The following THBS3 variants were observed in gnomAD, a reference collection of about 807,000 sequenced individuals.
The protein encoded by THBS3 is thrombospondin 3.
In THBS3, 78 loss-of-function variants were observed where a neutral mutation model predicts 118.3. The observed-to-expected ratio is 0.66, with a 90% CI of 0.55 to 0.80. The LOEUF is 0.80. Among genes scored for constraint, THBS3 ranks in the 30% least tolerant of loss-of-function variants. THBS3 has a pLI of 0.00. For missense variants in THBS3, 1,057 were observed against 1,247.4 expected (o/e 0.85, Z 2.30); for synonymous variants, 427 against 475.3 (o/e 0.90, Z 1.32).
rs1227714707 is a variant in THBS3, at chr1:155,206,850, C to T, written c.80-444G>A. Among the ~76,000 whole-genome samples, 1 of 151,758 alleles carries T rather than the reference C, an allele frequency of 6.6e-6. No homozygotes were observed. Among genetic ancestry groups the T allele is most frequent in the East Asian group, 1.9e-4 (1 of 5,170 alleles). On this transcript the variant is annotated intron_variant, in intron 1 of 22. Transcript: ENST00000368378. The surrounding 1 kb of genome is among the most constrained non-coding windows in gnomAD (Gnocchi z 4.2). ...AGAGTGAAACTCCATCTCAAAAAGA[C>T]AAAACGAAAACAAAAAAAAACCTCA...
chr1:155,202,171 C>T lies in THBS3; in HGVS notation c.1098+90G>A. ...AGCCGATGCAAAGCCATCCATGTCC[C>T]ATTCATCACAAGGGTCCCATGTCCA... On this transcript the variant is annotated intron_variant, in intron 9 of 22. Coordinates refer to ENST00000368378, the MANE Select transcript of THBS3 (RefSeq NM_007112.5). This position sits in a 1 kb window ranked among gnomAD's most constrained non-coding sequence, Gnocchi z 5.5. 6 of 1,594,676 alleles carry T rather than the reference C, an allele frequency of 3.8e-6. No homozygotes were observed. The Admixed American group carries it at 1.0e-4, about 27-fold the overall frequency.
intron 1 of THBS3, among the ~76,000 whole-genome samples, chr1:155,207,133 C>A (rs1670666059): frequency 6.6e-6 from 1 of 152,182 alleles, no homozygotes; most frequent in Non-Finnish European, 1.5e-5. Flanking sequence ...GTTCCACACC[C>A]TAGTTCCCCT....
upstream of THBS3, chr1:155,208,936 A>C (rs1419915305): frequency 2.5e-6 from 4 of 1,610,538 alleles, no homozygotes; most frequent in Non-Finnish European, 3.4e-6. Context: ...CCCGCTCTCC[A>C]GAGCCTGCCG....
Position 155,204,928 on chromosome 1 carries a change from C to T in THBS3, c.573G>A (p.Leu191=). The T allele has an allele frequency of 6.2e-7, 1 of 1,613,998 alleles. No individual in the cohort carries two copies. Among genetic ancestry groups the T allele is most frequent in the Non-Finnish European group, 8.5e-7 (1 of 1,180,032 alleles). The change falls in exon 4 of 23, where the codon CTG becomes CTA. Residue 191 remains leucine (L), a synonymous_variant. Coordinates refer to ENST00000368378, the MANE Select transcript of THBS3 (RefSeq NM_007112.5). ...QGFVESMKII[L]GGSMARVGAL... Reference sequence around the variant, plus strand: ...CTCCTACCCGGGCCATGGACCCACCCAGAATAATTTTCATAGATTCCACAA... The same window carrying T: ...CTCCTACCCGGGCCATGGACCCACCTAGAATAATTTTCATAGATTCCACAA...
Position 155,206,449 on chromosome 1 carries a change from T to G in THBS3, c.80-43A>C. 6.4e-7 allele frequency: 1 copy of G among 1,570,686 alleles called. No homozygotes were observed. Among genetic ancestry groups the G allele is most frequent in the Non-Finnish European group, 8.7e-7 (1 of 1,146,106 alleles). Reference sequence around the variant, plus strand: ...ATCAAGGTTAGAGAATGGGATCAAATGCTAAGGTATGCCCTCCCCCGAGCC... The same window carrying G: ...ATCAAGGTTAGAGAATGGGATCAAAGGCTAAGGTATGCCCTCCCCCGAGCC... On this transcript the variant is annotated intron_variant, in intron 1 of 22. Transcript: ENST00000368378. This position sits in a 1 kb window ranked among gnomAD's most constrained non-coding sequence, Gnocchi z 4.2.
intron 16 of THBS3, 116 bp downstream of exon 16, chr1:155,199,688 G>C (rs1669353260): frequency 9.6e-7 from 1 of 1,038,324 alleles, no homozygotes; most frequent in Admixed American, 2.0e-5. Context: ...CTGGGAGACG[G>C]AGGTTGCAGT....
At chr1:155,196,945 G>T in intron 21 of THBS3, 96 bp downstream of exon 21, 2 of 1,259,314 alleles carry the variant, frequency 1.6e-6, no homozygotes, top group Non-Finnish European at 1.1e-6. Flanking sequence ...AGTGGCTGCA[G>T]TTCCCACCCA....
In THBS3 at chr1:155,200,431, C is replaced by T. The variant is rs1189254646; in HGVS notation, c.1708+20G>A. On this transcript the variant is annotated intron_variant, in intron 14 of 22. Coordinates refer to ENST00000368378, the MANE Select transcript of THBS3 (RefSeq NM_007112.5). ...ATTCTCACAGGTCCCCCAGCCACCC[C>T]TTCAGCCCCAGGCCTGCACCATCCC... 30 of 1,609,848 alleles carry T rather than the reference C, an allele frequency of 1.9e-5. No individual in the cohort carries two copies. Among genetic ancestry groups the T allele is most frequent in the Non-Finnish European group, 2.2e-5 (26 of 1,176,906 alleles).
Position 155,206,113 on chromosome 1 carries a change from G to A in THBS3, c.286+87C>T. Reference sequence around the variant, plus strand: ...ACCTTGGTCCCTAGTGGAGGCCAAGGAGAATGAGGAAGCACTTGGGAAGTA... The same window carrying A: ...ACCTTGGTCCCTAGTGGAGGCCAAGAAGAATGAGGAAGCACTTGGGAAGTA... On this transcript the variant is annotated intron_variant, in intron 2 of 22. Coordinates refer to ENST00000368378, the MANE Select transcript of THBS3 (RefSeq NM_007112.5). This position sits in a 1 kb window ranked among gnomAD's most constrained non-coding sequence, Gnocchi z 4.2. The A allele has an allele frequency of 6.7e-7, 1 of 1,495,614 alleles. No homozygotes were observed. The highest frequency in any genetic ancestry group is 2.3e-5 in the East Asian group (1 of 44,030). 92.6% of individuals were successfully genotyped at this position (1,495,614 alleles called of 1,614,324 possible).
At chr1:155,207,998 AG>A (rs996859498), upstream of THBS3, 7 of 406,090 alleles carry the variant, frequency 1.7e-5, no homozygotes, top group South Asian at 2.0e-5. Context: ...CAGGCGGGTG[AG>A]GGGGGGCTGA....
chr1:155,202,159 C>A lies in THBS3; in HGVS notation c.1098+102G>T. The A allele has an allele frequency of 6.3e-7, 1 of 1,594,674 alleles. No individual in the cohort carries two copies. The highest frequency in any genetic ancestry group is 8.6e-7 in the Non-Finnish European group (1 of 1,168,798). On this transcript the variant is annotated intron_variant, in intron 9 of 22. Coordinates refer to ENST00000368378, the MANE Select transcript of THBS3 (RefSeq NM_007112.5). The surrounding 1 kb of genome is among the most constrained non-coding windows in gnomAD (Gnocchi z 5.5). ...GCCCAGACCCAAAGCCGATGCAAAG[C>A]CATCCATGTCCCATTCATCACAAGG...
rs998867235 is a variant in THBS3 at position 155,204,960 on chromosome 1, G to A, written c.544-3C>T. On this transcript the variant is annotated splice_region_variant and splice_polypyrimidine_tract_variant and intron_variant, in intron 3 of 22. Transcript: ENST00000368378. ...ATTTTCATAGATTCCACAAAGCCCT[G>A]GGGGGATAGCAGCAGAGTAAGGTGG... 6.2e-7 allele frequency: 1 copy of A among 1,613,870 alleles called. No individual in the cohort carries two copies. The highest frequency in any genetic ancestry group is 8.5e-7 in the Non-Finnish European group (1 of 1,179,988).
intron 2 of THBS3, among the ~76,000 whole-genome samples, chr1:155,205,777 A>T (rs1417614231): frequency 7.9e-5 from 12 of 152,190 alleles, no homozygotes; most frequent in Admixed American, 7.9e-4. Context: ...GACTCCATTT[A>T]AAAAAATAAT....
In THBS3 at chr1:155,202,453, G is replaced by A. The variant is rs1489538741; in HGVS notation, c.958-52C>T. On this transcript the variant is annotated intron_variant, in intron 8 of 22. Coordinates refer to ENST00000368378, the MANE Select transcript of THBS3 (RefSeq NM_007112.5). The surrounding 1 kb of genome is among the most constrained non-coding windows in gnomAD (Gnocchi z 5.5). ...TCAGGCCGCCCTCTGGGAAACTCAG[G>A]TCCCTGCCTGTGATCCAGGAACCAT... The A allele has an allele frequency of 6.3e-7, 1 of 1,596,200 alleles. No individual in the cohort carries two copies. The highest frequency in any genetic ancestry group is 1.7e-5 in the Admixed American group (1 of 58,740).
At chr1:155,199,880 A>T in intron 15 of THBS3, 24 bp from the exon 16 acceptor site, 1 of 1,614,092 alleles carries the variant, frequency 6.2e-7, no homozygotes. Flanking sequence ...ACCTGTTCTC[A>T]CCATCTCCTC....
chr1:155,198,809 A>C (rs1310128182), intron 16 of THBS3: 2 of 568,006 alleles, frequency 3.5e-6, no homozygotes, highest in Non-Finnish European at 6.2e-6. Flanking sequence ...TTAAGGCTAA[A>C]TCATAGAAGG....
At position 155,206,690 on chromosome 1, in the gene THBS3, C is replaced by G. The variant is rs960576216; in HGVS notation, c.80-284G>C. Among the ~76,000 whole-genome samples the G allele has an allele frequency of 6.6e-6, 1 of 151,768 alleles. No homozygotes were observed. The highest frequency in any genetic ancestry group is 6.6e-5 in the Admixed American group (1 of 15,244). ...ACAACAACAAAAAAGAAAAAAAAACCACCTAGCCGGGCGTGGTGGCGGGCA... is the reference window on the plus strand; with the variant it reads ...ACAACAACAAAAAAGAAAAAAAAACGACCTAGCCGGGCGTGGTGGCGGGCA... On this transcript the variant is annotated intron_variant, in intron 1 of 22. Coordinates refer to ENST00000368378, the MANE Select transcript of THBS3 (RefSeq NM_007112.5). This position sits in a 1 kb window ranked among gnomAD's most constrained non-coding sequence, Gnocchi z 4.2.
intron 2 of THBS3, chr1:155,205,549 G>A: frequency 1.8e-6 from 1 of 542,090 alleles, no homozygotes. Context: ...AGGCCAAGGT[G>A]GGCAGATCAC....
chr1:155,197,644 T>C lies in THBS3; in HGVS notation c.2318A>G (p.Asn773Ser), dbSNP rs142299507. The C allele has an allele frequency of 4.8e-5, 77 of 1,611,750 alleles. No homozygotes were observed. Among genetic ancestry groups the C allele is most frequent in the South Asian group, 4.2e-4 (38 of 90,996 alleles). ...PGLAVGYTAF[N>S]GVDFEGTFHV... The stretch of plus-strand genomic sequence containing the variant: ...GAAGGTGCCTTCAAAGTCCACACCA[T>C]TGAAGGCCGTGTATCCTGGGGTGGG... The change falls in exon 20 of 23, where the codon AAT becomes AGT. Residue 773 changes from asparagine to serine, a missense_variant. Around this residue, in one of 3 missense-constraint regions of THBS3, gnomAD observed 307 missense variants for 326.1 expected, o/e 0.94. Coordinates refer to ENST00000368378, the MANE Select transcript of THBS3 (RefSeq NM_007112.5). This position sits in a 1 kb window ranked among gnomAD's most constrained non-coding sequence, Gnocchi z 5.0.
Sources: allele counts gnomAD v4.1 joint callset (sites outside exome capture counted in the v4.1 genomes callset), GRCh38; gene constraint gnomAD v4.1.1; regional missense constraint gnomAD v4.1.1; non-coding constraint Gnocchi (gnomAD v3.1); transcripts MANE v1.5; gene names NCBI Gene and HGNC (gene_info 2026-07-23, HGNC 2026-07-21).